Variants in CADM2 observed in about 807,000 individuals in gnomAD.
The protein encoded by CADM2 is immunoglobulin superfamily member 4D.
In CADM2, 12 loss-of-function variants were observed where a neutral mutation model predicts 49.8. The ratio of observed to expected loss-of-function variants is 0.24; its 90% CI spans 0.15 to 0.39. The LOEUF (loss-of-function observed/expected upper bound fraction) is 0.39, where lower values mean the gene tolerates loss of function less well. Among genes scored for constraint, CADM2 ranks in the 10% least tolerant of loss-of-function variants. The pLI, the probability that CADM2 is intolerant of heterozygous loss-of-function variation, is 1.00. For missense variants in CADM2, 378 were observed against 492.3 expected (o/e 0.77, Z 2.20); for synonymous variants, 214 against 175.4 (o/e 1.22, Z -1.74).
At chr3:85,740,678 A>C (rs1037968126) in intron 2 of CADM2, among the ~76,000 whole-genome samples, 9 of 152,174 alleles carry the variant, frequency 5.9e-5, no homozygotes, top group African/African-American at 1.9e-4. Context: ...AAGAATTCAC[A>C]TTGATATTTA....
intron 1 of CADM2, among the ~76,000 whole-genome samples, chr3:85,411,462 T>TA (rs1339784264): frequency 6.6e-6 from 1 of 152,224 alleles, no homozygotes; most frequent in Non-Finnish European, 1.5e-5. Context: ...ATTAATTGAT[T>TA]AAAAATACAC....
At chr3:85,961,255 T>A (rs1724775740) in intron 7 of CADM2, among the ~76,000 whole-genome samples, 1 of 151,530 alleles carries the variant, frequency 6.6e-6, no homozygotes, top group East Asian at 2.0e-4. Context: ...TCTGAATACA[T>A]ATCTGCTTAG....
At chr3:85,448,575 A>T (rs541919324) in intron 1 of CADM2, among the ~76,000 whole-genome samples, 1 of 152,156 alleles carries the variant, frequency 6.6e-6, no homozygotes, top group Non-Finnish European at 1.5e-5. Context: ...AAGTAGGGTC[A>T]GTGTATAGAT....
At chr3:85,985,892 T>G (rs1221453383) in intron 8 of CADM2, among the ~76,000 whole-genome samples, 1 of 152,066 alleles carries the variant, frequency 6.6e-6, no homozygotes, top group East Asian at 1.9e-4. Context: ...CAAACTCATA[T>G]TTAATGTGGA....
chr3:85,402,725 G>A (rs2035176123), intron 1 of CADM2, among the ~76,000 whole-genome samples: 1 of 152,110 alleles, frequency 6.6e-6, no homozygotes, highest in African/African-American at 2.4e-5. Context: ...AGTCTTTGAA[G>A]TAATACCTCT....
chr3:85,221,743 G>A (rs776705571), intron 1 of CADM2, among the ~76,000 whole-genome samples: 10 of 152,274 alleles, frequency 6.6e-5, no homozygotes, highest in African/African-American at 1.7e-4. Context: ...GTAAACAGGC[G>A]TTAGGACATC....
intron 8 of CADM2, chr3:86,013,578 C>T (rs778810044): frequency 1.9e-6 from 3 of 1,601,268 alleles, no homozygotes; most frequent in African/African-American, 1.3e-5. Context: ...GAGCTGTATT[C>T]GAGAAGAAAC....
Position 85,094,085 on chromosome 3 carries a change from TTAAAG to T in CADM2, c.61+134420_61+134424del, listed in dbSNP as rs1241289471. Reference sequence around the variant, plus strand: ...GCAAATTTGAGGTCTGCCAAGTTTGTTAAAGTAGAGTCCTACATTTACTCACACTT... The same window carrying T: ...GCAAATTTGAGGTCTGCCAAGTTTGTTAGAGTCCTACATTTACTCACACTT... On this transcript the variant is annotated intron_variant, in intron 1 of 9. Coordinates refer to ENST00000383699, the MANE Select transcript of CADM2 (RefSeq NM_001167675.2). 3.3e-5 allele frequency among the ~76,000 whole-genome samples: 5 copies of T among 152,154 alleles called. No homozygotes were observed. The East Asian group carries it at 5.8e-4, about 18-fold the overall frequency.
At position 85,744,568 on chromosome 3, in the gene CADM2, G is replaced by A. The variant is rs186123079; in HGVS notation, c.88+18020G>A. ...AAATAAATAAGTAAATGAAATACTC[G>A]GGGTAAGGTCTTAATGAGAAGACGA... On this transcript the variant is annotated intron_variant, in intron 2 of 9. Transcript: ENST00000383699. Among the ~76,000 whole-genome samples the A allele has an allele frequency of 2.6e-3, 393 of 152,052 alleles. 1 individual carries two copies. Among genetic ancestry groups the A allele is most frequent in the African/African-American group, 9.0e-3 (372 of 41,502 alleles).
chr3:85,888,996 G>A (rs969986235), intron 5 of CADM2, among the ~76,000 whole-genome samples: 3 of 152,022 alleles, frequency 2.0e-5, no homozygotes, highest in South Asian at 2.1e-4. Flanking sequence ...GAAAAGACAG[G>A]CTAATCAAAT....
chr3:85,299,847 A>G (rs192314031), intron 1 of CADM2, among the ~76,000 whole-genome samples: 1 of 152,158 alleles, frequency 6.6e-6, no homozygotes. Context: ...GTGTAGTCCC[A>G]TTTTCTACTC....
chr3:85,221,453 C>A (rs2042042479), intron 1 of CADM2, among the ~76,000 whole-genome samples: 1 of 152,024 alleles, frequency 6.6e-6, no homozygotes, highest in Non-Finnish European at 1.5e-5. Flanking sequence ...CTCTTCACAC[C>A]ATCTAATTTC....
intron 1 of CADM2, among the ~76,000 whole-genome samples, chr3:85,697,944 G>C (rs1035387793): frequency 2.0e-5 from 3 of 152,150 alleles, no homozygotes; most frequent in African/African-American, 7.2e-5. Context: ...GGAAGCATTG[G>C]AGAGCTGCAT....
At chr3:85,303,706 T>G (rs2044153112) in intron 1 of CADM2, among the ~76,000 whole-genome samples, 2 of 151,834 alleles carry the variant, frequency 1.3e-5, no homozygotes, top group African/African-American at 4.8e-5. Context: ...ACCCAATGAG[T>G]GTCTGTTTTC....
intron 1 of CADM2, among the ~76,000 whole-genome samples, chr3:85,448,305 C>T (rs953079010): frequency 2.1e-5 from 3 of 144,858 alleles, no homozygotes; most frequent in Admixed American, 7.0e-5. Context: ...TGCACTCCAG[C>T]CTGGGCGACA....
intron 1 of CADM2, among the ~76,000 whole-genome samples, chr3:85,102,135 C>A (rs1455903751): frequency 6.6e-6 from 1 of 152,192 alleles, no homozygotes; most frequent in Non-Finnish European, 1.5e-5. Context: ...AAAGCTTAAT[C>A]TGGCTCAGAG....
intron 3 of CADM2, among the ~76,000 whole-genome samples, chr3:85,864,140 A>G (rs1335015310): frequency 6.6e-6 from 1 of 152,198 alleles, no homozygotes; most frequent in Non-Finnish European, 1.5e-5. Context: ...TCCAAGTTTT[A>G]TAAGAGTTTT....
chr3:84,971,728 T>A (rs2031455402), intron 1 of CADM2, among the ~76,000 whole-genome samples: 1 of 152,066 alleles, frequency 6.6e-6, no homozygotes, highest in Non-Finnish European at 1.5e-5. Flanking sequence ...AAAACAAATA[T>A]GCTTGATGGG....
chr3:85,597,029 T>C (rs2063264245), intron 1 of CADM2, among the ~76,000 whole-genome samples: 1 of 152,120 alleles, frequency 6.6e-6, no homozygotes, highest in Admixed American at 6.6e-5. Context: ...GAATATATTC[T>C]TGATATATAA....
Sources: gnomAD v4.1 joint callset for allele counts (sites outside exome capture counted in the v4.1 genomes callset) on GRCh38, gnomAD v4.1.1 for gene constraint, MANE v1.5 for transcripts, NCBI Gene and HGNC (gene_info 2026-07-23, HGNC 2026-07-21) for gene names.